The following TRPS1 variants were observed in gnomAD, a reference collection of about 807,000 sequenced individuals.
TRPS1 encodes the protein transcriptional repressor GATA binding 1, also known as zinc finger transcription factor Trps1.
Under a neutral mutation model 101.2 loss-of-function variants are expected in TRPS1, and 6 were observed. The ratio of observed to expected loss-of-function variants is 0.06; its 90% CI spans 0.03 to 0.12. The LOEUF is 0.12. Ranked by LOEUF, TRPS1 falls within the 10% of genes least tolerant of loss-of-function variation. The pLI is 1.00. For synonymous variants in TRPS1, 578 were observed against 589.8 expected (o/e 0.98, Z 0.29); for missense variants, 1,363 against 1,567.0 (o/e 0.87, Z 2.20).
At chr8:115,574,035 T>C (rs1368186465) in intron 5 of TRPS1, among the ~76,000 whole-genome samples, 1 of 152,204 alleles carries the variant, frequency 6.6e-6, no homozygotes, top group Non-Finnish European at 1.5e-5. Flanking sequence ...GGAAGTCTGA[T>C]TGTATTTTAG....
intron 5 of TRPS1, among the ~76,000 whole-genome samples, chr8:115,495,789 A>G (rs939251785): frequency 6.6e-6 from 1 of 152,182 alleles, no homozygotes; most frequent in Non-Finnish European, 1.5e-5. Context: ...CAGGTTACAC[A>G]CAAGTGATAG....
intron 5 of TRPS1, among the ~76,000 whole-genome samples, chr8:115,477,498 C>T (rs1007046057): frequency 6.6e-6 from 1 of 152,190 alleles, no homozygotes; most frequent in Non-Finnish European, 1.5e-5. Flanking sequence ...ATGATTTCTT[C>T]ACAGCTGATT....
intron 1 of TRPS1, among the ~76,000 whole-genome samples, chr8:115,646,551 C>CATTTATG (rs1392493400): frequency 6.6e-6 from 1 of 152,126 alleles, no homozygotes; most frequent in East Asian, 1.9e-4. Context: ...CTGTGATCCA[C>CATTTATG]ATTTATGACA....
intron 1 of TRPS1, chr8:115,637,259 A>G: frequency 4.1e-6 from 4 of 985,462 alleles, no homozygotes; most frequent in Non-Finnish European, 4.8e-6. Flanking sequence ...GCCAAGGTTA[A>G]TAAGACAGAA....
rs752895683 is a variant in TRPS1, at chr8:115,536,522, C to CAAAAAAA, written c.2700+50472_2700+50478dup. Reference sequence around the variant, plus strand: ...TGGGCGACAGAGGGAGACTCCGTCTCAAAAAAAAAAAAAAAAAAATGTATT... The same window carrying CAAAAAAA: ...TGGGCGACAGAGGGAGACTCCGTCTCAAAAAAAAAAAAAAAAAAAAAAAAAATGTATT... On this transcript the variant is annotated intron_variant, in intron 5 of 6. Transcript: ENST00000395715. 4.4e-3 allele frequency among the ~76,000 whole-genome samples: 456 copies of CAAAAAAA among 102,852 alleles called. 7 individuals are homozygous for CAAAAAAA. The highest frequency in any genetic ancestry group is 0.016 in the African/African-American group (425 of 26,756). The allele number at this position is 102,852 out of a possible 152,430, so 67.5% of individuals were successfully genotyped here.
chr8:115,608,133 T>C (rs189389884), intron 3 of TRPS1, among the ~76,000 whole-genome samples: 1 of 152,064 alleles, frequency 6.6e-6, no homozygotes, highest in Non-Finnish European at 1.5e-5. Context: ...AGTAGGAAAA[T>C]TTACTGCTTC....
chr8:115,655,557 T>C (rs1357420274), intron 1 of TRPS1, among the ~76,000 whole-genome samples: 1 of 152,170 alleles, frequency 6.6e-6, no homozygotes, highest in Non-Finnish European at 1.5e-5. Context: ...TTGTACATGG[T>C]TTTATTAATG....
intron 5 of TRPS1, among the ~76,000 whole-genome samples, chr8:115,480,739 C>A (rs1814732899): frequency 6.6e-6 from 1 of 152,070 alleles, no homozygotes; most frequent in Non-Finnish European, 1.5e-5. Context: ...TAGAAAGCTT[C>A]TTTTAAAAGG....
rs146208180 is a variant in TRPS1, at chr8:115,434,357, C to T, written c.2701-15905G>A. 2.3e-4 allele frequency among the ~76,000 whole-genome samples: 35 copies of T among 152,214 alleles called. 1 individual carries two copies. The highest frequency in any genetic ancestry group is 7.5e-4 in the African/African-American group (31 of 41,554). On this transcript the variant is annotated intron_variant, in intron 5 of 6. Transcript: ENST00000395715. Reference sequence around the variant, plus strand: ...AACAGAGAGACTTCTGGAAGTTGATCCATGCTATTAACTTTATTGTGCTAT... The same window carrying T: ...AACAGAGAGACTTCTGGAAGTTGATTCATGCTATTAACTTTATTGTGCTAT...
intron 5 of TRPS1, among the ~76,000 whole-genome samples, chr8:115,456,091 C>T (rs1041096267): frequency 1.3e-5 from 2 of 151,940 alleles, no homozygotes; most frequent in Admixed American, 6.6e-5. Flanking sequence ...CGGTGCCTGG[C>T]CATGGCTTCT....
chr8:115,562,069 G>A (rs1816958391), intron 5 of TRPS1, among the ~76,000 whole-genome samples: 1 of 151,910 alleles, frequency 6.6e-6, no homozygotes. Flanking sequence ...ATAGCAGTAA[G>A]AACAAAACAA....
chr8:115,667,197 C>G (rs1277219893), intron 1 of TRPS1, among the ~76,000 whole-genome samples: 2 of 152,192 alleles, frequency 1.3e-5, no homozygotes, highest in Admixed American at 1.3e-4. Context: ...CACCCTCTAA[C>G]TTAAATTGCT....
chr8:115,417,286 A>G (rs1385684298), intron 6 of TRPS1, among the ~76,000 whole-genome samples: 2 of 152,176 alleles, frequency 1.3e-5, no homozygotes, highest in Non-Finnish European at 1.5e-5. Context: ...TCTACTTGCT[A>G]CATGCTAATA....
intron 5 of TRPS1, among the ~76,000 whole-genome samples, chr8:115,524,679 ACT>A (rs1217749077): frequency 6.6e-6 from 1 of 151,692 alleles, no homozygotes; most frequent in Non-Finnish European, 1.5e-5. Flanking sequence ...ATTAATATCA[ACT>A]CTTACTCTCA....
At chr8:115,611,774 T>C (rs1563643124) in intron 3 of TRPS1, among the ~76,000 whole-genome samples, 1 of 152,180 alleles carries the variant, frequency 6.6e-6, no homozygotes, top group Non-Finnish European at 1.5e-5. Flanking sequence ...TATCAAATCG[T>C]TAAATGGAAT....
At chr8:115,586,629 G>C (rs940490570) in intron 5 of TRPS1, among the ~76,000 whole-genome samples, 3 of 152,156 alleles carry the variant, frequency 2.0e-5, no homozygotes, top group African/African-American at 7.2e-5. Context: ...TGTCATAGCA[G>C]CCTAAAATTT....
intron 5 of TRPS1, among the ~76,000 whole-genome samples, chr8:115,529,324 G>T (rs1020565146): frequency 2.0e-5 from 3 of 152,010 alleles, no homozygotes; most frequent in African/African-American, 7.2e-5. Flanking sequence ...AGGTTTTGCT[G>T]TGTCTTTGAA....
intron 5 of TRPS1, among the ~76,000 whole-genome samples, chr8:115,580,987 C>T (rs1019505884): frequency 2.6e-5 from 4 of 152,036 alleles, no homozygotes; most frequent in African/African-American, 9.7e-5. Flanking sequence ...AATCAAGATA[C>T]GGAATCAGCC....
intron 5 of TRPS1, among the ~76,000 whole-genome samples, chr8:115,446,320 T>G (rs1360054262): frequency 2.1e-5 from 3 of 140,740 alleles, no homozygotes; most frequent in Non-Finnish European, 1.5e-5. Flanking sequence ...AAATATTTTT[T>G]TTTCCTGTCA....
Sources: gnomAD v4.1 joint callset for allele counts (sites outside exome capture counted in the v4.1 genomes callset) on GRCh38, gnomAD v4.1.1 for gene constraint, MANE v1.5 for transcripts, NCBI Gene and HGNC (gene_info 2026-07-23, HGNC 2026-07-21) for gene names.